Variants in WWOX observed in about 807,000 individuals in gnomAD.
WWOX encodes WW domain containing oxidoreductase, also known as WW domain-containing oxidoreductase.
A neutral mutation model predicts 46.2 loss-of-function variants in WWOX; 69 were observed. The observed-to-expected ratio is 1.49, with a 90% CI of 1.23 to 1.82. WWOX has a LOEUF of 1.82. Ranked by LOEUF, WWOX falls within the 40% of genes most tolerant of loss-of-function variation. WWOX has a pLI of 0.00. For missense variants in WWOX, 919 were observed against 542.6 expected, an observed-to-expected ratio of 1.69 and a Z score of -6.89; for synonymous variants, 359 against 202.6, an observed-to-expected ratio of 1.77 and a Z score of -6.56.
intron 8 of WWOX, among the ~76,000 whole-genome samples, chr16:79,012,600 C>G (rs1278405428): frequency 6.6e-6 from 1 of 152,168 alleles, no homozygotes. Context: ...CTGAGGGCTA[C>G]TCTAATGAGT....
chr16:79,143,193 C>T (rs2050122529), intron 8 of WWOX, among the ~76,000 whole-genome samples: 1 of 152,210 alleles, frequency 6.6e-6, no homozygotes, highest in African/African-American at 2.4e-5. Flanking sequence ...TATAGTTTCT[C>T]TCAAAGAATG....
rs1282672821 is a variant in WWOX, at chr16:78,349,876, T to G, written c.517-36984T>G. ...TGTATTTCTGGGCTCAGCTTTTGAC[T>G]CAGTCTCATTCCCCAGAAATAATCC... is the stretch of plus-strand genomic sequence containing the variant. On this transcript the variant is annotated intron_variant, in intron 5 of 8. Coordinates refer to ENST00000566780, the MANE Select transcript of WWOX (RefSeq NM_016373.4). Among the ~76,000 whole-genome samples the G allele has an allele frequency of 2.5e-5, 3 of 121,166 alleles. No homozygotes were observed. In the East Asian group the frequency reaches 5.8e-4, roughly 23 times the overall value. The allele number at this position is 121,166 out of a possible 152,430, so 79.5% of individuals were successfully genotyped here.
At chr16:79,190,331 C>T (rs532781766) in intron 8 of WWOX, among the ~76,000 whole-genome samples, 4 of 151,980 alleles carry the variant, frequency 2.6e-5, no homozygotes, top group Non-Finnish European at 5.9e-5. Flanking sequence ...GGCCTCATAT[C>T]CTTTTTTATG....
At chr16:78,500,237 CT>C in intron 8 of WWOX, among the ~76,000 whole-genome samples, 1 of 152,198 alleles carries the variant, frequency 6.6e-6, no homozygotes, top group East Asian at 1.9e-4. Context: ...AAAGGTGGGG[CT>C]TTAAAATAAA....
chr16:78,610,543 T>A (rs192326319), intron 8 of WWOX, among the ~76,000 whole-genome samples: 2 of 152,330 alleles, frequency 1.3e-5, no homozygotes, highest in Non-Finnish European at 2.9e-5. Context: ...CCTGGACATA[T>A]TAATTTTAAA....
rs150744148 is a variant in WWOX at position 78,665,747 on chromosome 16, C to T, written c.1056+232995C>T. On this transcript the variant is annotated intron_variant, in intron 8 of 8. Coordinates refer to ENST00000566780, the MANE Select transcript of WWOX (RefSeq NM_016373.4). ...TCGCCCAGGCTGTAGTGTAGTGATT[C>T]CATCTCAGCTCACTGCAACCTCCAC... Among the ~76,000 whole-genome samples, 679 of 152,214 alleles carry T rather than the reference C, an allele frequency of 4.5e-3. 2 individuals are homozygous for T. Among genetic ancestry groups the T allele is most frequent in the Middle Eastern group, 0.031 (9 of 294 alleles).
At chr16:78,475,652 G>C (rs2084333202) in intron 8 of WWOX, among the ~76,000 whole-genome samples, 1 of 152,002 alleles carries the variant, frequency 6.6e-6, no homozygotes, top group African/African-American at 2.4e-5. Context: ...CTGGAGTGCA[G>C]TGACATGATC....
chr16:78,174,034 C>T (rs773708647), intron 5 of WWOX, among the ~76,000 whole-genome samples: 1 of 152,156 alleles, frequency 6.6e-6, no homozygotes, highest in Non-Finnish European at 1.5e-5. Flanking sequence ...GGATTCCACT[C>T]TCATCTAATC....
intron 5 of WWOX, among the ~76,000 whole-genome samples, chr16:78,221,833 C>CA (rs1255378795): frequency 6.6e-6 from 1 of 152,194 alleles, no homozygotes; most frequent in Non-Finnish European, 1.5e-5. Context: ...CTCATGCATA[C>CA]AGGTCTCACC....
At chr16:78,626,557 T>G (rs923885498) in intron 8 of WWOX, among the ~76,000 whole-genome samples, 1 of 152,180 alleles carries the variant, frequency 6.6e-6, no homozygotes, top group African/African-American at 2.4e-5. Context: ...TCATCATGAC[T>G]CTTCACTGTT....
intron 8 of WWOX, among the ~76,000 whole-genome samples, chr16:78,734,320 C>G (rs1402071333): frequency 6.6e-6 from 1 of 152,028 alleles, no homozygotes; most frequent in Non-Finnish European, 1.5e-5. Flanking sequence ...AGGGTAGCCT[C>G]AGATATAAGC....
intron 6 of WWOX, among the ~76,000 whole-genome samples, chr16:78,399,899 C>G (rs1056815671): frequency 6.6e-6 from 1 of 152,182 alleles, no homozygotes; most frequent in Non-Finnish European, 1.5e-5. Context: ...TAATTCTTGT[C>G]AGCCTAAAAA....
At chr16:78,790,341 G>T (rs962134332) in intron 8 of WWOX, among the ~76,000 whole-genome samples, 2 of 151,952 alleles carry the variant, frequency 1.3e-5, no homozygotes, top group Non-Finnish European at 2.9e-5. Flanking sequence ...CATCATGTTG[G>T]CCAGGCTGCT....
Position 78,590,834 on chromosome 16 carries a change from G to A in WWOX, c.1056+158082G>A, listed in dbSNP as rs192519950. 4.0e-3 allele frequency among the ~76,000 whole-genome samples: 616 copies of A among 152,212 alleles called. 1 individual carries two copies. The highest frequency in any genetic ancestry group is 0.01 in the Middle Eastern group (3 of 294). The stretch of plus-strand genomic sequence containing the variant: ...AAGCCTCAAATGGGAGGTGTGCCTG[G>A]GATGGTTGCAGAGGAGTTGTTAAGA... On this transcript the variant is annotated intron_variant, in intron 8 of 8. Coordinates refer to ENST00000566780, the MANE Select transcript of WWOX (RefSeq NM_016373.4).
At chr16:78,424,167 G>T (rs1189264352) in intron 6 of WWOX, among the ~76,000 whole-genome samples, 1 of 143,414 alleles carries the variant, frequency 7.0e-6, no homozygotes, top group African/African-American at 2.6e-5. Flanking sequence ...GGTCAGGCTG[G>T]AGTGCAGTGG....
intron 8 of WWOX, among the ~76,000 whole-genome samples, chr16:79,048,096 C>G (rs1468580566): frequency 1.3e-5 from 2 of 152,118 alleles, no homozygotes; most frequent in Non-Finnish European, 2.9e-5. Flanking sequence ...AGATACAGGG[C>G]AATGGGCCTC....
At chr16:78,975,462 T>C (rs1205974275) in intron 8 of WWOX, among the ~76,000 whole-genome samples, 2 of 151,930 alleles carry the variant, frequency 1.3e-5, no homozygotes, top group Non-Finnish European at 2.9e-5. Context: ...CCCAACCTTT[T>C]TTTTTTTTTC....
chr16:78,788,199 T>C (rs2050502918), intron 8 of WWOX, among the ~76,000 whole-genome samples: 1 of 152,248 alleles, frequency 6.6e-6, no homozygotes, highest in Admixed American at 6.5e-5. Context: ...TTTTTGGTGT[T>C]GTATCTAAGA....
intron 8 of WWOX, among the ~76,000 whole-genome samples, chr16:79,093,267 T>A (rs562830231): frequency 6.6e-6 from 1 of 152,294 alleles, no homozygotes; most frequent in East Asian, 1.9e-4. Flanking sequence ...AGGCGAAAGA[T>A]ACACAGAAAC....
Sources: gnomAD v4.1 joint callset for allele counts (sites outside exome capture counted in the v4.1 genomes callset) on GRCh38, gnomAD v4.1.1 for gene constraint, MANE v1.5 for transcripts, NCBI Gene and HGNC (gene_info 2026-07-23, HGNC 2026-07-21) for gene names.